The following MALRD1 variants were observed in gnomAD, a reference collection of about 807,000 sequenced individuals.
MALRD1 encodes the protein MAM and LDL receptor class A domain containing 1.
MALRD1 carries 247 observed loss-of-function variants against 242.1 expected under a neutral mutation model. The observed-to-expected ratio is 1.02, with a 90% CI of 0.92 to 1.13. MALRD1 has a LOEUF of 1.13. Ranked by LOEUF, MALRD1 falls within the 50% of genes most tolerant of loss-of-function variation. MALRD1 has a pLI of 0.00. For missense variants in MALRD1, 2,989 were observed against 2,533.1 expected, an observed-to-expected ratio of 1.18 and a Z score of -3.86; for synonymous variants, 995 against 866.6, an observed-to-expected ratio of 1.15 and a Z score of -2.60.
At chr10:19,288,873 G>T (rs1841270483) in intron 21 of MALRD1, among the ~76,000 whole-genome samples, 1 of 152,024 alleles carries the variant, frequency 6.6e-6, no homozygotes, top group South Asian at 2.1e-4. Flanking sequence ...CTGCTGCTCT[G>T]TGTGGGACCT....
intron 13 of MALRD1, 62 bp from the exon 14 acceptor site, chr10:19,175,146 A>G (rs1161565956): frequency 9.6e-6 from 11 of 1,150,192 alleles, no homozygotes; most frequent in African/African-American, 6.5e-5. Context: ...ACAAAGAAAT[A>G]TGATTGTAAG....
At chr10:19,399,704 A>G (rs867254258) in intron 28 of MALRD1, among the ~76,000 whole-genome samples, 7 of 152,204 alleles carry the variant, frequency 4.6e-5, no homozygotes, top group Non-Finnish European at 8.8e-5. Context: ...AAACAATACC[A>G]TTTGTAATCT....
At chr10:19,710,659 C>G (rs1834065367) in intron 38 of MALRD1, 3 of 152,216 alleles carry the variant, frequency 2.0e-5, no homozygotes. Context: ...ATGAAGACTA[C>G]TTTACTGTAT....
chr10:19,124,588 A>G lies in MALRD1; in HGVS notation c.861A>G (p.Gln287=). 8.1e-7 allele frequency: 1 copy of G among 1,233,842 alleles called. No homozygotes were observed. Among genetic ancestry groups the G allele is most frequent in the Non-Finnish European group, 1.0e-6 (1 of 988,106 alleles). 76.4% of individuals were successfully genotyped at this position (1,233,842 alleles called of 1,614,324 possible). A position where few individuals can be genotyped will look rare whatever the true frequency, so the allele number is the denominator to read the frequency against. Reference sequence around the variant, plus strand: ...GGACGTCAGAAGCATCTGCTGGCCAAATTTCCTGGATGCGCACAAAAGCGA... The same window carrying G: ...GGACGTCAGAAGCATCTGCTGGCCAGATTTCCTGGATGCGCACAAAAGCGA... ...CEWTSEASAG[Q]ISWMRTKARE... is the part of the protein sequence containing the mutation. The change falls in exon 7 of 40, where the codon CAA becomes CAG. Residue 287 remains glutamine, a synonymous_variant. Coordinates refer to ENST00000454679, the MANE Select transcript of MALRD1 (RefSeq NM_001142308.3).
chr10:19,209,175 C>A, intron 17 of MALRD1, 93 bp from the exon 18 acceptor site: 3 of 1,175,878 alleles, frequency 2.6e-6, no homozygotes, highest in Non-Finnish European at 2.3e-6. Flanking sequence ...AGCAAAGTAT[C>A]AACTAGCATT....
intron 28 of MALRD1, among the ~76,000 whole-genome samples, chr10:19,402,173 G>T (rs1459836076): frequency 6.6e-6 from 1 of 152,104 alleles, no homozygotes; most frequent in Non-Finnish European, 1.5e-5. Context: ...CTTCTGGGAA[G>T]GCCATCGTTC....
At chr10:19,283,238 C>A in intron 21 of MALRD1, 57 bp downstream of exon 21, 2 of 1,328,932 alleles carry the variant, frequency 1.5e-6, no homozygotes, top group South Asian at 2.1e-5. Context: ...AAGCATCTCC[C>A]AAATTTCTGC....
At position 19,132,925 on chromosome 10, in the gene MALRD1, T is replaced by A. The variant is rs148036933; in HGVS notation, c.1111-931T>A. Among the ~76,000 whole-genome samples, 729 of 152,106 alleles carry A rather than the reference T, an allele frequency of 4.8e-3. 8 individuals are homozygous for A. The highest frequency in any genetic ancestry group is 0.017 in the African/African-American group (697 of 41,522). On this transcript the variant is annotated intron_variant, in intron 8 of 39. Coordinates refer to ENST00000454679, the MANE Select transcript of MALRD1 (RefSeq NM_001142308.3). Reference sequence around the variant, plus strand: ...CGTAGACAAAATTTTGAGTACCTTATAGACTTTTTTATTTTATTTAGTTTT... The same window carrying A: ...CGTAGACAAAATTTTGAGTACCTTAAAGACTTTTTTATTTTATTTAGTTTT...
intron 31 of MALRD1, among the ~76,000 whole-genome samples, chr10:19,529,032 C>A (rs1589199783): frequency 6.6e-6 from 1 of 152,310 alleles, no homozygotes; most frequent in East Asian, 1.9e-4. Context: ...GTCATGAGGA[C>A]CCAGCCCTTG....
intron 36 of MALRD1, among the ~76,000 whole-genome samples, chr10:19,686,629 A>G (rs1174749901): frequency 1.3e-5 from 2 of 152,122 alleles, no homozygotes; most frequent in South Asian, 2.1e-4. Context: ...GCAGCTTAAC[A>G]ACTGCCTAAC....
chr10:19,655,978 A>G (rs1343953363), intron 36 of MALRD1, among the ~76,000 whole-genome samples: 1 of 152,148 alleles, frequency 6.6e-6, no homozygotes, highest in Non-Finnish European at 1.5e-5. Context: ...TGTTAATCAC[A>G]TTCTCTTCAA....
chr10:19,261,405 C>A, intron 19 of MALRD1, among the ~76,000 whole-genome samples: 1 of 148,466 alleles, frequency 6.7e-6, no homozygotes. Flanking sequence ...ATAAAGGAAT[C>A]TTACCATAAA....
intron 2 of MALRD1, among the ~76,000 whole-genome samples, chr10:19,085,543 G>A (rs370748119): frequency 6.6e-6 from 1 of 151,972 alleles, no homozygotes; most frequent in Middle Eastern, 3.4e-3. Context: ...AGCTGTTTCT[G>A]AATTTAAACC....
chr10:19,053,475 A>G (rs1834569049), intron 1 of MALRD1, among the ~76,000 whole-genome samples: 3 of 152,160 alleles, frequency 2.0e-5, no homozygotes, highest in Admixed American at 6.5e-5. Flanking sequence ...CAGATCCCCG[A>G]AATTGGCGGG....
chr10:19,532,374 C>G (rs1003827869), intron 32 of MALRD1, among the ~76,000 whole-genome samples: 21 of 152,186 alleles, frequency 1.4e-4, no homozygotes, highest in Non-Finnish European at 2.2e-4. Context: ...CCTGCCTCAG[C>G]ATCCTGAGTA....
intron 29 of MALRD1, among the ~76,000 whole-genome samples, chr10:19,487,363 G>GTTT (rs11415205): frequency 6.6e-6 from 1 of 150,630 alleles, no homozygotes. Context: ...TTTTTTATTT[G>GTTT]TTTATTTTTC....
At chr10:19,428,564 C>T (rs561727885) in intron 28 of MALRD1, among the ~76,000 whole-genome samples, 14 of 152,152 alleles carry the variant, frequency 9.2e-5, no homozygotes, top group African/African-American at 3.4e-4. Flanking sequence ...CTTCCAGGTC[C>T]AGATGCTCTC....
chr10:19,197,929 G>GT (rs1489315625), intron 14 of MALRD1, among the ~76,000 whole-genome samples: 1 of 152,162 alleles, frequency 6.6e-6, no homozygotes, highest in African/African-American at 2.4e-5. Context: ...TATTTGCTAA[G>GT]TTTTTGTCGA....
At chr10:19,050,885 G>A (rs1445506438) in intron 1 of MALRD1, among the ~76,000 whole-genome samples, 3 of 152,146 alleles carry the variant, frequency 2.0e-5, no homozygotes, top group East Asian at 3.8e-4. Flanking sequence ...TCAGAGAAAA[G>A]GTTAACGTGA....
Sources: allele counts gnomAD v4.1 joint callset (sites outside exome capture counted in the v4.1 genomes callset), GRCh38; gene constraint gnomAD v4.1.1; transcripts MANE v1.5; gene names NCBI Gene and HGNC (gene_info 2026-07-23, HGNC 2026-07-21).